SAMD4A: variants seen among roughly 807,000 people sequenced by gnomAD.
SAMD4A encodes the protein sterile alpha motif domain containing 4A, also known as protein Smaug homolog 1.
Under a neutral mutation model 81.3 loss-of-function variants are expected in SAMD4A, and 33 were observed. The ratio of observed to expected loss-of-function variants is 0.41; its 90% CI spans 0.31 to 0.54. The LOEUF (loss-of-function observed/expected upper bound fraction) is 0.54. SAMD4A is among the 20% of genes least tolerant of loss of function. The pLI, the probability that SAMD4A is intolerant of heterozygous loss-of-function variation, is 0.37. For synonymous variants in SAMD4A, 389 were observed against 382.1 expected (o/e 1.02, Z -0.21); for missense variants, 854 against 951.1 (o/e 0.90, Z 1.34).
intron 2 of SAMD4A, among the ~76,000 whole-genome samples, chr14:54,678,027 A>AT (rs757599584): frequency 1.3e-5 from 2 of 152,244 alleles, no homozygotes; most frequent in East Asian, 1.9e-4. Flanking sequence ...CAAAAGACAG[A>AT]TTTTAACAAG....
intron 2 of SAMD4A, among the ~76,000 whole-genome samples, chr14:54,661,845 G>A (rs994530486): frequency 2.6e-5 from 4 of 152,186 alleles, no homozygotes; most frequent in African/African-American, 7.2e-5. Context: ...TTTACCAGGT[G>A]CCGAATGCTT....
Position 54,792,556 on chromosome 14 carries a change from G to C in SAMD4A, c.*3612G>C, listed in dbSNP as rs2039277776. Reference sequence around the variant, plus strand: ...GGCAAGGGGAGGAAAAGCAGGCCTGGCCTCATTGGTCCCCTGGAGATGTCT... The same window carrying C: ...GGCAAGGGGAGGAAAAGCAGGCCTGCCCTCATTGGTCCCCTGGAGATGTCT... On this transcript the variant is annotated 3_prime_UTR_variant, in exon 13 of 13. Transcript: ENST00000554335. The C allele has an allele frequency of 6.6e-6, 1 of 152,240 alleles. No homozygotes were observed. Among genetic ancestry groups the C allele is most frequent in the Admixed American group, 6.5e-5 (1 of 15,286 alleles). The allele number at this position is 152,240 out of a possible 1,614,324, so 9.4% of individuals were successfully genotyped here.
At chr14:54,624,259 C>T (rs1485140294) in intron 2 of SAMD4A, among the ~76,000 whole-genome samples, 4 of 152,254 alleles carry the variant, frequency 2.6e-5, no homozygotes, top group African/African-American at 9.6e-5. Flanking sequence ...AGGCGCAAGC[C>T]ACCGCGCCCG....
intron 3 of SAMD4A, among the ~76,000 whole-genome samples, chr14:54,719,810 T>C (rs1435179702): frequency 1.3e-5 from 2 of 152,190 alleles, no homozygotes; most frequent in Non-Finnish European, 2.9e-5. Context: ...GTTGTGAAAG[T>C]CCTCTCTGGG....
intron 11 of SAMD4A, among the ~76,000 whole-genome samples, chr14:54,781,327 C>T (rs2038994198): frequency 6.6e-6 from 1 of 152,250 alleles, no homozygotes; most frequent in Admixed American, 6.5e-5. Context: ...CAAGGACAAG[C>T]CCTTTGGGCT....
intron 2 of SAMD4A, among the ~76,000 whole-genome samples, chr14:54,604,164 G>A (rs2140236358): frequency 6.6e-6 from 1 of 152,216 alleles, no homozygotes; most frequent in African/African-American, 2.4e-5. Context: ...GCTCACCCTT[G>A]CTGAGCATAG....
chr14:54,681,996 A>C, intron 2 of SAMD4A: 1 of 985,420 alleles, frequency 1.0e-6, no homozygotes, highest in Non-Finnish European at 1.2e-6. Flanking sequence ...AACATGCAGT[A>C]CCTGGGTCTA....
At chr14:54,570,899 C>T (rs2033109655) in intron 2 of SAMD4A, among the ~76,000 whole-genome samples, 1 of 152,086 alleles carries the variant, frequency 6.6e-6, no homozygotes, top group Non-Finnish European at 1.5e-5. Flanking sequence ...ATTTCCTGTA[C>T]CGAAGTCATC....
intron 2 of SAMD4A, among the ~76,000 whole-genome samples, chr14:54,669,752 T>C (rs973419406): frequency 6.6e-6 from 1 of 152,224 alleles, no homozygotes; most frequent in South Asian, 2.1e-4. Context: ...AAACATATTG[T>C]GAGCTTCAGA....
intron 9 of SAMD4A, among the ~76,000 whole-genome samples, chr14:54,772,784 C>A (rs1214888286): frequency 2.0e-5 from 3 of 151,342 alleles, no homozygotes; most frequent in Non-Finnish European, 4.4e-5. Flanking sequence ...ATTCCGACTT[C>A]AGAACTCAAA....
In SAMD4A at chr14:54,567,658, T is replaced by G; in HGVS notation, c.-259T>G. The G allele has an allele frequency of 1.7e-5, 6 of 356,392 alleles. No homozygotes were observed. The highest frequency in any genetic ancestry group is 3.6e-5 in the South Asian group (1 of 27,740). The allele number at this position is 356,392 out of a possible 1,614,324, so 22.1% of individuals were successfully genotyped here. A position where few individuals can be genotyped will look rare whatever the true frequency, so the allele number is the denominator to read the frequency against. The stretch of plus-strand genomic sequence containing the variant: ...CTTGTGGGGGATTTTTAAAAAGTCG[T>G]TTTTTTTTTTAAAGAAACATTTCCG... On this transcript the variant is annotated 5_prime_UTR_variant, in exon 2 of 13. Coordinates refer to ENST00000554335, the MANE Select transcript of SAMD4A (RefSeq NM_015589.6).
intron 2 of SAMD4A, chr14:54,694,164 G>A (rs1353749701): frequency 1.8e-4 from 26 of 145,518 alleles, no homozygotes. Context: ...ACTCTGAGAT[G>A]GGAAGCCATT....
chr14:54,726,646 G>A (rs2037421425), intron 3 of SAMD4A, among the ~76,000 whole-genome samples: 1 of 152,204 alleles, frequency 6.6e-6, no homozygotes, highest in Non-Finnish European at 1.5e-5. Context: ...GCCCAGTGCA[G>A]TGGTTCTTGA....
At chr14:54,769,304 A>ACTGT (rs1285392093) in intron 8 of SAMD4A, among the ~76,000 whole-genome samples, 2 of 152,182 alleles carry the variant, frequency 1.3e-5, no homozygotes, top group African/African-American at 4.8e-5. Context: ...CTGAATTTTG[A>ACTGT]CTGTCTCCTT....
intron 3 of SAMD4A, among the ~76,000 whole-genome samples, chr14:54,733,035 G>A (rs373368057): frequency 1.2e-4 from 18 of 152,062 alleles, no homozygotes; most frequent in African/African-American, 3.9e-4. Context: ...TATTTTCCCC[G>A]TAAAAGGTGC....
chr14:54,754,432 C>T (rs1196739817), intron 6 of SAMD4A, among the ~76,000 whole-genome samples: 1 of 152,160 alleles, frequency 6.6e-6, no homozygotes, highest in Non-Finnish European at 1.5e-5. Flanking sequence ...GTTGAGCTTG[C>T]ATCAGAATAC....
At chr14:54,695,563 C>T (rs879509754) in intron 2 of SAMD4A, among the ~76,000 whole-genome samples, 13 of 152,236 alleles carry the variant, frequency 8.5e-5, no homozygotes, top group Non-Finnish European at 1.8e-4. Context: ...TAGACCAGCT[C>T]TCATTCAGTG....
rs1257740771 is a variant in SAMD4A, at chr14:54,760,370, C to T, written c.1386C>T (p.Thr462=). The T allele has an allele frequency of 1.3e-6, 2 of 1,558,502 alleles. No individual in the cohort carries two copies. Among genetic ancestry groups the T allele is most frequent in the African/African-American group, 1.4e-5 (1 of 71,490 alleles). ...CCGCAGCCACTGGCGCCACGGCCAC[C>T]CCCTCGGCCGGGGCCAGCGGGGGGC... ...DGAAATGATA[T]PSAGASGGLQ... The change falls in exon 7 of 13, where the codon ACC becomes ACT. Residue 462 remains threonine, a synonymous_variant. Transcript: ENST00000554335.
intron 2 of SAMD4A, among the ~76,000 whole-genome samples, chr14:54,629,007 A>G (rs1425632507): frequency 6.6e-6 from 1 of 152,020 alleles, no homozygotes; most frequent in Non-Finnish European, 1.5e-5. Context: ...TATGAATGTG[A>G]CCTTCTTTGG....
Sources: allele counts gnomAD v4.1 joint callset (sites outside exome capture counted in the v4.1 genomes callset), GRCh38; gene constraint gnomAD v4.1.1; transcripts MANE v1.5; gene names NCBI Gene and HGNC (gene_info 2026-07-23, HGNC 2026-07-21).